Variants in BBOX1 observed in about 807,000 individuals in gnomAD.
BBOX1 encodes gamma-butyrobetaine hydroxylase 1.
A neutral mutation model predicts 41.6 loss-of-function variants in BBOX1; 35 were observed. The observed-to-expected ratio is 0.84, with a 90% CI of 0.64 to 1.11. The LOEUF is 1.11. BBOX1 is among the 50% of genes most tolerant of loss of function. The probability of loss-of-function intolerance (pLI) is 0.00; values close to 1 mark genes in which losing one functional copy is unlikely to be tolerated. For missense variants in BBOX1, 458 were observed against 460.6 expected (o/e 0.99, Z 0.05); for synonymous variants, 163 against 154.7 (o/e 1.05, Z -0.40).
At chr11:27,082,283 T>C (rs1048552362) in intron 4 of BBOX1, among the ~76,000 whole-genome samples, 8 of 152,044 alleles carry the variant, frequency 5.3e-5, no homozygotes, top group African/African-American at 1.9e-4. Flanking sequence ...GTTTAAAAGG[T>C]ATATTGTGCC....
At chr11:27,056,070 C>T (rs1856970581) in intron 3 of BBOX1, among the ~76,000 whole-genome samples, 1 of 152,040 alleles carries the variant, frequency 6.6e-6, no homozygotes. Context: ...TCACTGCTTG[C>T]TAGCTAGATA....
intron 5 of BBOX1, 88 bp downstream of exon 5, chr11:27,093,454 C>A: frequency 7.7e-7 from 1 of 1,301,720 alleles, no homozygotes; most frequent in Non-Finnish European, 1.1e-6. Flanking sequence ...ATTGAAGATA[C>A]AGAAATTCTC....
At chr11:27,045,369 C>A (rs1334948246) in intron 2 of BBOX1, among the ~76,000 whole-genome samples, 1 of 152,140 alleles carries the variant, frequency 6.6e-6, no homozygotes, top group Non-Finnish European at 1.5e-5. Context: ...TTCATGTCAT[C>A]TGCAAACAAA....
chr11:27,056,050 C>T (rs1248028528), intron 3 of BBOX1, among the ~76,000 whole-genome samples: 7 of 152,138 alleles, frequency 4.6e-5, no homozygotes, highest in Admixed American at 4.6e-4. Flanking sequence ...GAGGACTTTA[C>T]TCCCAGATTT....
At chr11:27,101,402 C>G (rs1858649766) in intron 5 of BBOX1, among the ~76,000 whole-genome samples, 1 of 152,060 alleles carries the variant, frequency 6.6e-6, no homozygotes, top group African/African-American at 2.4e-5. Flanking sequence ...ATACCCAATT[C>G]TTGTTCTAAT....
At chr11:27,101,574 T>C (rs1484880358) in intron 5 of BBOX1, among the ~76,000 whole-genome samples, 1 of 152,154 alleles carries the variant, frequency 6.6e-6, no homozygotes, top group Non-Finnish European at 1.5e-5. Flanking sequence ...CAAATTGCTA[T>C]AACTTTTTCT....
In BBOX1 at chr11:27,055,482, C is replaced by A; in HGVS notation, c.52C>A (p.Gln18Lys). The change falls in exon 3 of 9, where the codon CAG (glutamine) becomes AAG (lysine). Residue 18 changes from glutamine (Q) to lysine (K), a missense_variant. Coordinates refer to ENST00000263182, the MANE Select transcript of BBOX1 (RefSeq NM_003986.3). Reference sequence around the variant, plus strand: ...AGCACTTGACGGGGCTCATTTGATGCAGATCCTCTGGTATGATGAGGAAGA... The same window carrying A: ...AGCACTTGACGGGGCTCATTTGATGAAGATCCTCTGGTATGATGAGGAAGA... ...AEALDGAHLM[Q>K]ILWYDEEESL... 6.2e-7 allele frequency: 1 copy of A among 1,614,128 alleles called. No individual in the cohort carries two copies. The highest frequency in any genetic ancestry group is 1.3e-5 in the African/African-American group (1 of 75,042).
intron 3 of BBOX1, 23 bp from the exon 4 acceptor site, chr11:27,057,177 GA>G: frequency 6.7e-7 from 1 of 1,495,184 alleles, no homozygotes; most frequent in Non-Finnish European, 9.0e-7. Flanking sequence ...CCACATAGGT[GA>G]AATTTGCTTT....
chr11:27,110,366 A>T (rs1209576462), intron 5 of BBOX1, among the ~76,000 whole-genome samples: 2 of 151,870 alleles, frequency 1.3e-5, no homozygotes, highest in Non-Finnish European at 2.9e-5. Context: ...TGTAAAGCAA[A>T]ATCTCAAATC....
At chr11:27,060,078 G>A (rs1184793484) in intron 4 of BBOX1, among the ~76,000 whole-genome samples, 2 of 152,076 alleles carry the variant, frequency 1.3e-5, no homozygotes, top group Non-Finnish European at 2.9e-5. Context: ...AAATGATATG[G>A]TTTGCATGTT....
chr11:27,119,214 C>T (rs1356164173), intron 6 of BBOX1, among the ~76,000 whole-genome samples: 2 of 151,972 alleles, frequency 1.3e-5, no homozygotes, highest in Non-Finnish European at 1.5e-5. Flanking sequence ...GATTTGCTTT[C>T]TCGTTCTATT....
At chr11:27,082,030 T>TCTTTTGCTGGGTGCCACAGAA (rs1178708909) in intron 4 of BBOX1, among the ~76,000 whole-genome samples, 5 of 152,152 alleles carry the variant, frequency 3.3e-5, no homozygotes, top group African/African-American at 1.2e-4. Context: ...GATGATAGTT[T>TCTTTTGCTGGGTGCCACAGAA]CTTTTGCTGG....
At chr11:27,105,886 G>T (rs1858848240) in intron 5 of BBOX1, among the ~76,000 whole-genome samples, 2 of 152,114 alleles carry the variant, frequency 1.3e-5, no homozygotes. Flanking sequence ...GACTAAGAGT[G>T]GGTCTCTCGG....
intron 7 of BBOX1, among the ~76,000 whole-genome samples, chr11:27,121,684 C>G (rs1859471074): frequency 1.3e-5 from 2 of 152,202 alleles, no homozygotes; most frequent in South Asian, 4.1e-4. Flanking sequence ...CCAGAATAAA[C>G]CTGAGACGTT....
intron 4 of BBOX1, among the ~76,000 whole-genome samples, chr11:27,058,924 T>G (rs1206292558): frequency 6.6e-6 from 1 of 152,148 alleles, no homozygotes; most frequent in Non-Finnish European, 1.5e-5. Flanking sequence ...AAAGCTTTTT[T>G]GGGAGAGGAA....
intron 2 of BBOX1, among the ~76,000 whole-genome samples, chr11:27,049,179 A>G (rs1477769590): frequency 6.6e-6 from 1 of 151,802 alleles, no homozygotes; most frequent in African/African-American, 2.4e-5. Context: ...TGACTAAAAT[A>G]ATTTACATTC....
intron 4 of BBOX1, among the ~76,000 whole-genome samples, chr11:27,075,761 T>C (rs956019094): frequency 6.6e-6 from 1 of 152,312 alleles, no homozygotes; most frequent in South Asian, 2.1e-4. Flanking sequence ...GGCACTCCTC[T>C]TGTGGGGATC....
chr11:27,100,386 T>C (rs557874938), intron 5 of BBOX1, among the ~76,000 whole-genome samples: 2 of 152,206 alleles, frequency 1.3e-5, no homozygotes, highest in East Asian at 1.9e-4. Flanking sequence ...TTATGAAAAA[T>C]CAACCTAGAA....
At chr11:27,051,883 GTTTA>G (rs1379365227) in intron 2 of BBOX1, among the ~76,000 whole-genome samples, 1 of 151,666 alleles carries the variant, frequency 6.6e-6, no homozygotes, top group Non-Finnish European at 1.5e-5. Flanking sequence ...AAGCTAGATT[GTTTA>G]TTTAAGATCT....
Sources: gnomAD v4.1 joint callset for allele counts (sites outside exome capture counted in the v4.1 genomes callset) on GRCh38, gnomAD v4.1.1 for gene constraint, MANE v1.5 for transcripts, NCBI Gene and HGNC (gene_info 2026-07-23, HGNC 2026-07-21) for gene names.